TAS2R4: variants seen among roughly 807,000 people sequenced by gnomAD.
The protein encoded by TAS2R4 is taste receptor type 2 member 4.
TAS2R4 carries 18 observed loss-of-function variants against 14.3 expected under a neutral mutation model. The ratio of observed to expected loss-of-function variants is 1.26; its 90% confidence interval spans 0.87 to 1.86. The LOEUF (loss-of-function observed/expected upper bound fraction) is 1.86, where lower values mean the gene tolerates loss of function less well. TAS2R4 is among the 40% of genes most tolerant of loss of function. TAS2R4 has a pLI of 0.00. For synonymous variants in TAS2R4, 130 were observed against 138.5 expected, an observed-to-expected ratio of 0.94 and a Z score of 0.43; for missense variants, 306 against 342.7, an observed-to-expected ratio of 0.89 and a Z score of 0.85.
rs763779627 is a variant in TAS2R4, at chr7:141,778,805, A to G, written c.317A>G (p.Tyr106Cys). The change falls in exon 1 of 1, where the codon TAC (tyrosine) becomes TGC (cysteine). Residue 106 changes from tyrosine to cysteine, a missense_variant. Physicochemically the swap from Tyr to Cys is radical, Grantham distance 194. Coordinates refer to ENST00000247881, the MANE Select transcript of TAS2R4 (RefSeq NM_016944.2). The part of the protein sequence containing the change: ...VWFVTLLNIL[Y>C]CVKITNFQHS... ...TTTGTGACCTTGCTCAATATCTTGT[A>G]CTGTGTGAAGATTACTAACTTCCAA... 1.2e-6 allele frequency: 2 copies of G among 1,614,154 alleles called. No individual in the cohort carries two copies. Among genetic ancestry groups the G allele is most frequent in the Non-Finnish European group, 1.7e-6 (2 of 1,180,032 alleles).
chr7:141,779,434 G>T lies in TAS2R4; in HGVS notation c.*46G>T. The T allele has an allele frequency of 6.6e-7, 1 of 1,514,416 alleles. No individual in the cohort carries two copies. The allele number at this position is 1,514,416 out of a possible 1,614,324, so 93.8% of individuals were successfully genotyped here. On this transcript the variant is annotated 3_prime_UTR_variant, in exon 1 of 1. Coordinates refer to ENST00000247881, the MANE Select transcript of TAS2R4 (RefSeq NM_016944.2). ...CCTAGATTTACCTGATGGTTTGGGGGCAAGATTTTCTGTTTGCAGTTTTCC... is the reference window on the plus strand; with the variant it reads ...CCTAGATTTACCTGATGGTTTGGGGTCAAGATTTTCTGTTTGCAGTTTTCC...
chr7:141,779,533 C>A lies in TAS2R4; in HGVS notation c.*145C>A. On this transcript the variant is annotated 3_prime_UTR_variant, in exon 1 of 1. Transcript: ENST00000247881. ...GCTTTTGAGTGCCTGAATTTCAGTT[C>A]ATTCTGTAATTTTTTTTTTTTGGTA... 6.5e-6 allele frequency: 5 copies of A among 763,934 alleles called. No individual in the cohort carries two copies. Among genetic ancestry groups the A allele is most frequent in the Non-Finnish European group, 9.3e-6 (5 of 538,060 alleles). The allele number at this position is 763,934 out of a possible 1,614,324, so 47.3% of individuals were successfully genotyped here. A position where few individuals can be genotyped will look rare whatever the true frequency, so the allele number is the denominator to read the frequency against.
At position 141,777,551 on chromosome 7, in the gene TAS2R4, A is replaced by G. The variant is rs1333955174; in HGVS notation, c.-938A>G. 6.6e-6 allele frequency among the ~76,000 whole-genome samples: 1 copy of G among 152,188 alleles called. No individual in the cohort carries two copies. Among genetic ancestry groups the G allele is most frequent in the African/African-American group, 2.4e-5 (1 of 41,442 alleles). ...TGCCAGGGATATTTTGCCATTTCCC[A>G]TCTGAGCAAGTACAGAGAAATCCAG... On this transcript the variant is annotated 5_prime_UTR_variant, in exon 1 of 1. Transcript: ENST00000247881.
rs1024387888 is a variant in TAS2R4 at position 141,778,100 on chromosome 7, GA to G, written c.-384del. 6.6e-6 allele frequency among the ~76,000 whole-genome samples: 1 copy of G among 152,136 alleles called. No homozygotes were observed. Among genetic ancestry groups the G allele is most frequent in the African/African-American group, 2.4e-5 (1 of 41,430 alleles). ...CACCATATTCTGGCATTTTTATGAA[GA>G]AAAACTTTACCGTAAAACATTGACA... On this transcript the variant is annotated 5_prime_UTR_variant, in exon 1 of 1. The change creates a premature stop within an existing upstream ORF in the 5' untranslated region. Coordinates refer to ENST00000247881, the MANE Select transcript of TAS2R4 (RefSeq NM_016944.2).
chr7:141,779,271 C>G lies in TAS2R4; in HGVS notation c.783C>G (p.Thr261=), dbSNP rs1233654144. The stretch of plus-strand genomic sequence containing the variant: ...TTTATGCAGGGATGGATATGGGGAC[C>G]AAATCCATTTGTCTGATTTTTGCCA... The part of the protein sequence containing the change: ...LPFYAGMDMG[T]KSICLIFATL... Residue 261 remains threonine (T), a synonymous_variant, in exon 1 of 1, where the codon ACC becomes ACG. Coordinates refer to ENST00000247881, the MANE Select transcript of TAS2R4 (RefSeq NM_016944.2). 1 of 1,614,052 alleles carries G rather than the reference C, an allele frequency of 6.2e-7. No individual in the cohort carries two copies. The highest frequency in any genetic ancestry group is 8.5e-7 in the Non-Finnish European group (1 of 1,180,034).
chr7:141,778,458 A>C lies in TAS2R4; in HGVS notation c.-31A>C. 6.3e-7 allele frequency: 1 copy of C among 1,578,768 alleles called. No homozygotes were observed. The highest frequency in any genetic ancestry group is 8.6e-7 in the Non-Finnish European group (1 of 1,162,654). On this transcript the variant is annotated 5_prime_UTR_variant, in exon 1 of 1. Transcript: ENST00000247881. ...TATTTCTTCTGCCTCCACTATCAGC[A>C]CCACAACTGCTGAATCCTCAATGAG...
rs917628318 is a variant in TAS2R4, at chr7:141,777,278, T to C, written c.-1211T>C. 3.3e-5 allele frequency among the ~76,000 whole-genome samples: 5 copies of C among 152,240 alleles called. No homozygotes were observed. Among genetic ancestry groups the C allele is most frequent in the Admixed American group, 3.3e-4 (5 of 15,286 alleles). On this transcript the variant is annotated 5_prime_UTR_variant, in exon 1 of 1. Coordinates refer to ENST00000247881, the MANE Select transcript of TAS2R4 (RefSeq NM_016944.2). ...GAGAATTTCTCCAGGCTAGGCTTCC[T>C]GTCATCTGTCTTAAAGGGCCTCATG...
In TAS2R4 at chr7:141,778,980, T is replaced by C. The variant is rs998150122; in HGVS notation, c.492T>C (p.Asn164=). 6.2e-7 allele frequency: 1 copy of C among 1,614,102 alleles called. No homozygotes were observed. Among genetic ancestry groups the C allele is most frequent in the Non-Finnish European group, 8.5e-7 (1 of 1,180,054 alleles). The change falls in exon 1 of 1, where the codon AAT becomes AAC. Residue 164 remains asparagine (N), a synonymous_variant. Coordinates refer to ENST00000247881, the MANE Select transcript of TAS2R4 (RefSeq NM_016944.2). ...SPFPELVTTR[N]NTSFNISEGI... ...TTCCTGAACTTGTGACTACGAGAAATAACACATCATTTAATATCAGTGAGG... is the reference window on the plus strand; with the variant it reads ...TTCCTGAACTTGTGACTACGAGAAACAACACATCATTTAATATCAGTGAGG...
In TAS2R4 at chr7:141,777,959, A is replaced by G. The variant is rs1191486643; in HGVS notation, c.-530A>G. ...TGAAAGAGTGGCATTGGCATGGCCA[A>G]TTGGTGAAACTTGTTGTGGCAGCAA... On this transcript the variant is annotated 5_prime_UTR_variant, in exon 1 of 1. Transcript: ENST00000247881. 2.6e-5 allele frequency among the ~76,000 whole-genome samples: 4 copies of G among 151,578 alleles called. No homozygotes were observed. Among genetic ancestry groups the G allele is most frequent in the Non-Finnish European group, 2.9e-5 (2 of 67,890 alleles).
At position 141,778,545 on chromosome 7, in the gene TAS2R4, A is replaced by G; in HGVS notation, c.57A>G (p.Val19=). 1 of 1,613,934 alleles carries G rather than the reference A, an allele frequency of 6.2e-7. No homozygotes were observed. The highest frequency in any genetic ancestry group is 1.1e-5 in the South Asian group (1 of 91,032). Residue 19 remains valine, a synonymous_variant, in exon 1 of 1, where the codon GTA becomes GTG. Coordinates refer to ENST00000247881, the MANE Select transcript of TAS2R4 (RefSeq NM_016944.2). ...TTGCCTCAGTTATTTTAAATTTTGT[A>G]GGAATCATTATGAATCTGTTTATTA... ...AIIASVILNF[V]GIIMNLFITV...
chr7:141,777,158 A>T lies in TAS2R4; in HGVS notation c.-1331A>T, dbSNP rs1420177121. Among the ~76,000 whole-genome samples the T allele has an allele frequency of 2.6e-5, 4 of 152,166 alleles. No individual in the cohort carries two copies. Among genetic ancestry groups the T allele is most frequent in the Non-Finnish European group, 5.9e-5 (4 of 68,028 alleles). On this transcript the variant is annotated 5_prime_UTR_variant, in exon 1 of 1. Transcript: ENST00000247881. ...CTTTTAGTCATAGTCTTCCTGGCTC[A>T]TTCTGTTTGCCTGCTTACCTGATGT... is the stretch of plus-strand genomic sequence containing the variant.
In TAS2R4 at chr7:141,779,045, C is replaced by T. The variant is rs1387220263; in HGVS notation, c.557C>T (p.Ser186Phe). 4 of 1,614,214 alleles carry T rather than the reference C, an allele frequency of 2.5e-6. No individual in the cohort carries two copies. In the South Asian group the frequency reaches 3.3e-5, roughly 13 times the overall value. Reference sequence around the variant, plus strand: ...GTGGTTTCTTTGGTCTTGAGCTCATCTCTCCAGTTCATCATTAATGTGACT... The same window carrying T: ...GTGGTTTCTTTGGTCTTGAGCTCATTTCTCCAGTTCATCATTAATGTGACT... ...SLVVSLVLSS[S>F]LQFIINVTSA... The change falls in exon 1 of 1, where the codon TCT (serine) becomes TTT (phenylalanine). Residue 186 changes from serine to phenylalanine, a missense_variant. Coordinates refer to ENST00000247881, the MANE Select transcript of TAS2R4 (RefSeq NM_016944.2).
chr7:141,779,344 A>G lies in TAS2R4; in HGVS notation c.856A>G (p.Lys286Glu), dbSNP rs769261793. ...TGTTCTCATTATTATCACACATCCT[A>G]AACTGAAAACAACAGCAAAGAAGAT... ...HSVLIIITHP[K>E]LKTTAKKILC... is the part of the protein sequence containing the mutation. Residue 286 changes from lysine to glutamate, a missense_variant, in exon 1 of 1, where the codon AAA (lysine) becomes GAA (glutamate). Coordinates refer to ENST00000247881, the MANE Select transcript of TAS2R4 (RefSeq NM_016944.2). 5.0e-6 allele frequency: 8 copies of G among 1,611,136 alleles called. No homozygotes were observed. The highest frequency in any genetic ancestry group is 6.8e-6 in the Non-Finnish European group (8 of 1,178,598).
In TAS2R4 at chr7:141,779,151, G is replaced by T. The variant is rs771788898; in HGVS notation, c.663G>T (p.Gln221His). ...ATGCCACTGGTTTCTGGAATCCCCAGACGGAAGCTCATGTAGGTGCTATGA... is the reference window on the plus strand; with the variant it reads ...ATGCCACTGGTTTCTGGAATCCCCATACGGAAGCTCATGTAGGTGCTATGA... ...QKNATGFWNP[Q>H]TEAHVGAMKL... Residue 221 changes from glutamine to histidine, a missense_variant, in exon 1 of 1, where the codon CAG (glutamine) becomes CAT (histidine). Coordinates refer to ENST00000247881, the MANE Select transcript of TAS2R4 (RefSeq NM_016944.2). 1 of 1,614,128 alleles carries T rather than the reference G, an allele frequency of 6.2e-7. No individual in the cohort carries two copies. Among genetic ancestry groups the T allele is most frequent in the Non-Finnish European group, 8.5e-7 (1 of 1,179,984 alleles).
rs1270417926 is a variant in TAS2R4, at chr7:141,777,823, G to A, written c.-666G>A. ...ATGTAGATAGAGAAGGCAAAGCAAA[G>A]GGCATCAGAAAGAATGGGATTAATT... On this transcript the variant is annotated 5_prime_UTR_variant, in exon 1 of 1. Coordinates refer to ENST00000247881, the MANE Select transcript of TAS2R4 (RefSeq NM_016944.2). Among the ~76,000 whole-genome samples the A allele has an allele frequency of 1.3e-5, 2 of 151,710 alleles. No individual in the cohort carries two copies. The highest frequency in any genetic ancestry group is 2.9e-5 in the Non-Finnish European group (2 of 67,914).
In TAS2R4 at chr7:141,778,766, C is replaced by A; in HGVS notation, c.278C>A (p.Ser93Ter). The A allele has an allele frequency of 6.2e-7, 1 of 1,614,138 alleles. No individual in the cohort carries two copies. Among genetic ancestry groups the A allele is most frequent in the Non-Finnish European group, 8.5e-7 (1 of 1,180,024 alleles). ...FFVLCFMFLDSSSVWFVTLLN... is the reference protein window; with the variant it reads ...FFVLCFMFLD ...GTGTTGTGTTTCATGTTTTTGGACT[C>A]GAGCAGTGTCTGGTTTGTGACCTTG... The change falls in exon 1 of 1, where the codon TCG becomes TAG. Residue 93 changes from serine (S) to a stop codon, truncating the protein, a stop_gained. Coordinates refer to ENST00000247881, the MANE Select transcript of TAS2R4 (RefSeq NM_016944.2). LOFTEE classifies it high-confidence loss of function.
Position 141,778,909 on chromosome 7 carries a change from G to C in TAS2R4, c.421G>C (p.Ala141Pro), listed in dbSNP as rs768600786. 1.2e-6 allele frequency: 2 copies of C among 1,614,152 alleles called. No homozygotes were observed. Among genetic ancestry groups the C allele is most frequent in the South Asian group, 1.1e-5 (1 of 91,078 alleles). The change falls in exon 1 of 1, where the codon GCT (alanine) becomes CCT (proline). Residue 141 changes from alanine to proline, a missense_variant. Ala to Pro is a conservative substitution (Grantham distance 27). Transcript: ENST00000247881. ...RLLLACVLIS[A>P]FTTCLYITLS... Reference sequence around the variant, plus strand: ...GCTGCTGGCCTGTGTGCTGATTTCTGCTTTCACCACTTGCCTGTACATCAC... The same window carrying C: ...GCTGCTGGCCTGTGTGCTGATTTCTCCTTTCACCACTTGCCTGTACATCAC...
chr7:141,778,616 CT>C lies in TAS2R4; in HGVS notation c.130del (p.Ser44LeufsTer21), dbSNP rs765465392. Reference protein sequence around the residue: ...KTWVKSHRISSSDRILFSLGI... With the variant: ...KTWVKSHRISXSDRILFSLGI... Reference sequence around the variant, plus strand: ...TGGGTCAAAAGCCATAGAATCTCCTCTTCTGATAGGATTCTGTTCAGCCTGG... The same window carrying C: ...TGGGTCAAAAGCCATAGAATCTCCTCTCTGATAGGATTCTGTTCAGCCTGG... On this transcript the variant is annotated frameshift_variant, in exon 1 of 1. Transcript: ENST00000247881. LOFTEE classifies it high-confidence loss of function. The C allele has an allele frequency of 2.5e-6, 4 of 1,614,030 alleles. No individual in the cohort carries two copies. The highest frequency in any genetic ancestry group is 2.5e-6 in the Non-Finnish European group (3 of 1,179,980).
Position 141,781,300 on chromosome 7 carries a change from G to T in TAS2R4, c.*1912G>T. Among the ~76,000 whole-genome samples the T allele has an allele frequency of 6.6e-6, 1 of 152,150 alleles. No homozygotes were observed. Among genetic ancestry groups the T allele is most frequent in the East Asian group, 1.9e-4 (1 of 5,186 alleles). On this transcript the variant is annotated 3_prime_UTR_variant, in exon 1 of 1. Coordinates refer to ENST00000247881, the MANE Select transcript of TAS2R4 (RefSeq NM_016944.2). ...TCTCCATCCTAGAGCTGGCTCCATG[G>T]TTCTTCACACTGTGGACTTGTAACA...
Sources: gnomAD v4.1 joint callset for allele counts (sites outside exome capture counted in the v4.1 genomes callset) on GRCh38, gnomAD v4.1.1 for gene constraint, MANE v1.5 for transcripts, NCBI Gene and HGNC (gene_info 2026-07-23, HGNC 2026-07-21) for gene names.